SLC6A14: variants seen among roughly 807,000 people sequenced by gnomAD.
The protein encoded by SLC6A14 is solute carrier family 6 member 14.
A neutral mutation model predicts 51.4 loss-of-function variants in SLC6A14; 21 were observed. That is an observed-to-expected ratio of 0.41 (90% confidence interval 0.29 to 0.59). SLC6A14 has a LOEUF of 0.59. Among genes scored for constraint, SLC6A14 ranks in the 20% least tolerant of loss-of-function variants. The pLI is 0.31. For missense variants in SLC6A14, 371 were observed against 472.8 expected (o/e 0.78, Z 2.00); for synonymous variants, 177 against 160.7 (o/e 1.10, Z -0.77).
rs1927936954 is a variant in SLC6A14 at position 116,456,472 on chromosome X, C to T, written c.1614+1006C>T. 2.7e-5 allele frequency among the ~76,000 whole-genome samples: 3 copies of T among 110,778 alleles called. No individual in the cohort carries two copies. In the South Asian group the frequency reaches 1.1e-3, roughly 42 times the overall value. ...AATGACACTAAATATTTTTATTTGA[C>T]AAGTCTCCATAATAAAGTAAGCCCC... is the stretch of plus-strand genomic sequence containing the variant. On this transcript the variant is annotated intron_variant, in intron 12 of 13. Transcript: ENST00000598581.
chrX:116,457,876 C>A (rs1927964736), intron 13 of SLC6A14, 100 bp downstream of exon 13: 1 of 615,240 alleles, frequency 1.6e-6, no homozygotes, highest in Non-Finnish European at 2.6e-6. Flanking sequence ...GTATGAAATA[C>A]AATTAATTAC....
At chrX:116,441,778 C>T (rs782210497) in intron 3 of SLC6A14, among the ~76,000 whole-genome samples, 30 of 111,639 alleles carry the variant, frequency 2.7e-4, no homozygotes, top group South Asian at 3.7e-4. Context: ...ATATTCAGCA[C>T]GCTAAACTGC....
In SLC6A14 at chrX:116,446,787, T is replaced by C; in HGVS notation, c.836T>C (p.Leu279Pro). The C allele has an allele frequency of 1.7e-6, 2 of 1,204,576 alleles. No homozygotes were observed. The highest frequency in any genetic ancestry group is 2.2e-6 in the Non-Finnish European group (2 of 889,001). The change falls in exon 7 of 14, where the codon CTG becomes CCG. Residue 279 changes from leucine to proline, a missense_variant. Around this residue, in one of 2 missense-constraint regions of SLC6A14, gnomAD observed 277 missense variants for 391.8 expected, o/e 0.71. Coordinates refer to ENST00000598581, the MANE Select transcript of SLC6A14 (RefSeq NM_007231.5). ...ALFPYVVLLI[L>P]LVRGATLEGA... ...TTCCCCTATGTGGTCCTACTCATCC[T>C]GTTAGTACGAGGTGCAACTCTGGAG...
At position 116,453,631 on chromosome X, in the gene SLC6A14, A is replaced by C. The variant is rs183283975; in HGVS notation, c.1285+489A>C. On this transcript the variant is annotated intron_variant, in intron 9 of 13. Transcript: ENST00000598581. ...AGGCATATAGATCTAGTTAAATCACAATCTCTTTGTTGCCATAATAATGGG... is the reference window on the plus strand; with the variant it reads ...AGGCATATAGATCTAGTTAAATCACCATCTCTTTGTTGCCATAATAATGGG... 3.6e-5 allele frequency among the ~76,000 whole-genome samples: 4 copies of C among 111,342 alleles called. No homozygotes were observed. The Admixed American group carries it at 3.8e-4, about 11-fold the overall frequency.
At chrX:116,451,098 C>G (rs1459717609) in intron 7 of SLC6A14, among the ~76,000 whole-genome samples, 2 of 111,617 alleles carry the variant, frequency 1.8e-5, no homozygotes, top group African/African-American at 6.5e-5. Flanking sequence ...TTCACAATAC[C>G]TAATAAAAAA....
chrX:116,440,059 C>T (rs1405359930), intron 2 of SLC6A14, among the ~76,000 whole-genome samples: 1 of 111,231 alleles, frequency 9.0e-6, no homozygotes, highest in African/African-American at 3.3e-5. Context: ...TCCACTGATC[C>T]CCACATTCTT....
In SLC6A14 at chrX:116,446,886, G is replaced by A; in HGVS notation, c.930+5G>A. The stretch of plus-strand genomic sequence containing the variant: ...ACAAAACTTAAGGAAGCTGAGGTGA[G>A]TCTTAATTTGGATTTCAAATTATCT... On this transcript the variant is annotated splice_donor_5th_base_variant and intron_variant, in intron 7 of 13. Transcript: ENST00000598581. 8.4e-7 allele frequency: 1 copy of A among 1,197,044 alleles called. No homozygotes were observed. Among genetic ancestry groups the A allele is most frequent in the Non-Finnish European group, 1.1e-6 (1 of 885,144 alleles).
In SLC6A14 at chrX:116,437,952, G is replaced by A; in HGVS notation, c.211G>A (p.Gly71Arg). ...RFPYLTYSNG[G>R]GAFLIPYAIM... is the part of the protein sequence containing the mutation. Reference sequence around the variant, plus strand: ...TCCATATCTGACCTACAGCAATGGTGGAGGTATTCTATTTCACCCCCACCC... The same window carrying A: ...TCCATATCTGACCTACAGCAATGGTAGAGGTATTCTATTTCACCCCCACCC... Residue 71 changes from glycine to arginine, a missense_variant, in exon 2 of 14, where the codon GGA becomes AGA. Gly to Arg is a moderately radical substitution (Grantham distance 125). This residue lies in a region of SLC6A14 where 277 missense variants were observed against 391.8 expected (regional missense o/e 0.71). Transcript: ENST00000598581. 1.7e-6 allele frequency: 2 copies of A among 1,200,504 alleles called. No homozygotes were observed. Among genetic ancestry groups the A allele is most frequent in the Non-Finnish European group, 2.3e-6 (2 of 888,480 alleles).
rs868994849 is a variant in SLC6A14 at position 116,454,367 on chromosome X, G to A, written c.1329G>A (p.Met443Ile). The A allele has an allele frequency of 8.3e-7, 1 of 1,205,113 alleles. No homozygotes were observed. The highest frequency in any genetic ancestry group is 1.1e-6 in the Non-Finnish European group (1 of 891,381). ...TTCAAGATTTATTTCCCAAAGTGAT[G>A]AAGAAAATGAGGGTTCCCATAACTT... is the stretch of plus-strand genomic sequence containing the variant. ...TTIQDLFPKV[M>I]KKMRVPITLG... Residue 443 changes from methionine (M) to isoleucine (I), a missense_variant, in exon 10 of 14, where the codon ATG (methionine) becomes ATA (isoleucine). By Grantham distance (10) the Met-to-Ile change is conservative. Around this residue, in one of 2 missense-constraint regions of SLC6A14, gnomAD observed 277 missense variants for 391.8 expected, o/e 0.71. Transcript: ENST00000598581.
chrX:116,445,080 A>G (rs1412348148), intron 6 of SLC6A14, 30 bp downstream of exon 6: 3 of 1,136,398 alleles, frequency 2.6e-6, no homozygotes, highest in African/African-American at 3.7e-5. Flanking sequence ...AGATAGCGAT[A>G]TAGCAGCTTT....
rs782700117 is a variant in SLC6A14, at chrX:116,445,515, G to A, written c.789+465G>A. Reference sequence around the variant, plus strand: ...GAGAGAGAGAGAGAGAAATGTGTGTGTTTGTGTGTATGTGTGTGTGTGTGA... The same window carrying A: ...GAGAGAGAGAGAGAGAAATGTGTGTATTTGTGTGTATGTGTGTGTGTGTGA... On this transcript the variant is annotated intron_variant, in intron 6 of 13. Coordinates refer to ENST00000598581, the MANE Select transcript of SLC6A14 (RefSeq NM_007231.5). Among the ~76,000 whole-genome samples, 197 of 106,767 alleles carry A rather than the reference G, an allele frequency of 1.8e-3. 1 individual carries two copies. Among genetic ancestry groups the A allele is most frequent in the African/African-American group, 6.5e-3 (190 of 29,160 alleles). The allele number at this position is 106,767 out of a possible 115,157, so 92.7% of individuals were successfully genotyped here.
intron 2 of SLC6A14, among the ~76,000 whole-genome samples, chrX:116,438,265 A>G (rs1927523735): frequency 1.8e-5 from 2 of 111,839 alleles, no homozygotes; most frequent in Admixed American, 9.5e-5. Flanking sequence ...TTCCTAATTT[A>G]TGCATGTTTC....
chrX:116,452,468 T>C (rs1556694473), intron 8 of SLC6A14, among the ~76,000 whole-genome samples: 1 of 111,839 alleles, frequency 8.9e-6, no homozygotes, highest in Non-Finnish European at 1.9e-5. Context: ...TGGCACAAAA[T>C]TGAAAAGCAT....
chrX:116,452,562 T>C (rs1370118235), intron 8 of SLC6A14, among the ~76,000 whole-genome samples: 2 of 111,937 alleles, frequency 1.8e-5, no homozygotes, highest in Admixed American at 1.9e-4. Flanking sequence ...ATAGTGATTC[T>C]GGGTAAACAT....
Position 116,439,144 on chromosome X carries a change from C to T in SLC6A14, c.214+1189C>T, listed in dbSNP as rs782754454. On this transcript the variant is annotated intron_variant, in intron 2 of 13. Coordinates refer to ENST00000598581, the MANE Select transcript of SLC6A14 (RefSeq NM_007231.5). ...GAAAAAGAAATTCCCTGTGCCTTGA[C>T]ATCATACATAGGCCCAGTAATTGCC... 2.7e-5 allele frequency among the ~76,000 whole-genome samples: 3 copies of T among 111,622 alleles called. No individual in the cohort carries two copies. The South Asian group carries it at 1.1e-3, about 42-fold the overall frequency.
intron 2 of SLC6A14, among the ~76,000 whole-genome samples, chrX:116,439,499 T>C (rs138787842): frequency 0.015 from 1,618 of 111,428 alleles, 30 homozygotes; most frequent in African/African-American, 0.05. Context: ...TTTTTAACAG[T>C]TTATTAAAGA....
intron 7 of SLC6A14, among the ~76,000 whole-genome samples, chrX:116,450,096 AAAGT>A (rs782074748): frequency 9.0e-6 from 1 of 111,618 alleles, no homozygotes; most frequent in Admixed American, 9.6e-5. Context: ...CCGTTTTTTA[AAAGT>A]AATAGAGATC....
chrX:116,437,692 TCCC>T (rs1489800656), intron 1 of SLC6A14, 95 bp from the exon 2 acceptor site: 1 of 836,170 alleles, frequency 1.2e-6, no homozygotes. Flanking sequence ...CAGGGTTTCT[TCCC>T]CCCATTTTCT....
intron 2 of SLC6A14, among the ~76,000 whole-genome samples, chrX:116,440,673 T>C (rs1927576579): frequency 8.9e-6 from 1 of 111,872 alleles, no homozygotes; most frequent in Non-Finnish European, 1.9e-5. Flanking sequence ...TAGGTTTACC[T>C]GGCTCCAATG....
Sources: allele counts gnomAD v4.1 joint callset (sites outside exome capture counted in the v4.1 genomes callset), GRCh38; gene constraint gnomAD v4.1.1; regional missense constraint gnomAD v4.1.1; transcripts MANE v1.5; gene names NCBI Gene and HGNC (gene_info 2026-07-23, HGNC 2026-07-21).